The following GDA variants were observed in gnomAD, a reference collection of about 807,000 sequenced individuals.
GDA encodes guanine deaminase, also known as cytoplasmic PSD-95 interactor.
GDA carries 18 observed loss-of-function variants against 59.6 expected under a neutral mutation model. The observed-to-expected ratio is 0.30, with a 90% CI of 0.21 to 0.45. The LOEUF is 0.45. Among genes scored for constraint, GDA ranks in the 20% least tolerant of loss-of-function variants. The probability of loss-of-function intolerance (pLI) is 1.00; values close to 1 mark genes in which losing one functional copy is unlikely to be tolerated. For synonymous variants in GDA, 201 were observed against 201.1 expected (o/e 1.00, Z 0.00); for missense variants, 427 against 552.3 (o/e 0.77, Z 2.27).
At chr9:72,172,997 A>C (rs887919309) in intron 1 of GDA, among the ~76,000 whole-genome samples, 1 of 152,226 alleles carries the variant, frequency 6.6e-6, no homozygotes, top group Admixed American at 6.5e-5. Flanking sequence ...ATTATAACAC[A>C]GTGAGTTAAG....
At chr9:72,164,921 C>T (rs563228042) in intron 1 of GDA, among the ~76,000 whole-genome samples, 14 of 147,264 alleles carry the variant, frequency 9.5e-5, no homozygotes, top group Non-Finnish European at 1.3e-4. Context: ...AACCGGGAGG[C>T]GGAGCTTGCA....
chr9:72,134,759 T>C (rs984598550), intron 1 of GDA, among the ~76,000 whole-genome samples: 22 of 152,144 alleles, frequency 1.4e-4, no homozygotes, highest in African/African-American at 5.3e-4. Context: ...CAAAATTTAT[T>C]GGGAAAGAAG....
intron 1 of GDA, among the ~76,000 whole-genome samples, chr9:72,154,804 G>A (rs1827700825): frequency 6.6e-6 from 1 of 152,178 alleles, no homozygotes; most frequent in Non-Finnish European, 1.5e-5. Flanking sequence ...CTTCTCTAGG[G>A]CACAGTCCTG....
intron 1 of GDA, among the ~76,000 whole-genome samples, chr9:72,139,651 C>T (rs943990546): frequency 2.7e-5 from 4 of 147,466 alleles, no homozygotes; most frequent in Admixed American, 1.3e-4. Context: ...GGGAGACCCT[C>T]GCCTCTAATA....
intron 1 of GDA, among the ~76,000 whole-genome samples, chr9:72,118,273 CAAAAAAAAAAA>C (rs373179585): frequency 3.0e-5 from 2 of 66,158 alleles, no homozygotes; most frequent in African/African-American, 6.8e-5. Context: ...GACTCCACCT[CAAAAAAAAAAA>C]AAAAAAAAAA....
intron 10 of GDA, among the ~76,000 whole-genome samples, chr9:72,233,083 C>G (rs1045015598): frequency 3.3e-5 from 5 of 152,156 alleles, no homozygotes; most frequent in African/African-American, 1.2e-4. Context: ...TAGTCACCCT[C>G]TACTCTACTA....
At chr9:72,203,173 T>G (rs1834228077) in intron 3 of GDA, among the ~76,000 whole-genome samples, 1 of 152,224 alleles carries the variant, frequency 6.6e-6, no homozygotes, top group African/African-American at 2.4e-5. Flanking sequence ...TTTCACAGGA[T>G]TCTCATGATA....
intron 4 of GDA, among the ~76,000 whole-genome samples, chr9:72,213,067 G>A (rs530436192): frequency 1.5e-4 from 23 of 152,070 alleles, no homozygotes; most frequent in East Asian, 7.8e-4. Flanking sequence ...TCAGGAGATC[G>A]AACCATCCTG....
intron 1 of GDA, among the ~76,000 whole-genome samples, chr9:72,173,662 G>T (rs955165710): frequency 6.6e-6 from 1 of 152,118 alleles, no homozygotes; most frequent in Non-Finnish European, 1.5e-5. Context: ...ACTTGTGATT[G>T]TATTTAGGGT....
Position 72,249,520 on chromosome 9 carries a change from C to A in GDA, c.*1178C>A. The stretch of plus-strand genomic sequence containing the variant: ...ATAATGAAGAGTACATAATGTCCTA[C>A]TTAATATTTATGTTAATAGGACTTA... On this transcript the variant is annotated 3_prime_UTR_variant, in exon 14 of 14. Coordinates refer to ENST00000358399, the MANE Select transcript of GDA (RefSeq NM_004293.5). The A allele has an allele frequency of 1.7e-6, 1 of 592,396 alleles. No homozygotes were observed. Among genetic ancestry groups the A allele is most frequent in the Non-Finnish European group, 2.1e-6 (1 of 471,252 alleles). The allele number at this position is 592,396 out of a possible 1,614,324, so 36.7% of individuals were successfully genotyped here. A position where few individuals can be genotyped will look rare whatever the true frequency, so the allele number is the denominator to read the frequency against.
chr9:72,141,338 T>C (rs183381181), intron 1 of GDA, among the ~76,000 whole-genome samples: 77 of 152,306 alleles, frequency 5.1e-4, no homozygotes, highest in African/African-American at 1.7e-3. Flanking sequence ...TTATATATAA[T>C]ATTAAAAATC....
At chr9:72,243,161 T>A (rs1839809480) in intron 11 of GDA, among the ~76,000 whole-genome samples, 1 of 152,204 alleles carries the variant, frequency 6.6e-6, no homozygotes, top group Non-Finnish European at 1.5e-5. Flanking sequence ...GCAGAAATGA[T>A]CTTCACAGAA....
chr9:72,138,379 G>A (rs1204809933), intron 1 of GDA, among the ~76,000 whole-genome samples: 1 of 152,192 alleles, frequency 6.6e-6, no homozygotes, highest in African/African-American at 2.4e-5. Context: ...CCAAGATGAT[G>A]GTGCTCCTGC....
intron 1 of GDA, among the ~76,000 whole-genome samples, chr9:72,137,225 G>T (rs1826261379): frequency 7.3e-6 from 1 of 136,238 alleles, no homozygotes; most frequent in African/African-American, 2.6e-5. Context: ...AAAAAATTAG[G>T]ATCCTTTTCT....
At chr9:72,192,223 CTTTTTTTTTTTTT>C (rs869237933) in intron 1 of GDA, among the ~76,000 whole-genome samples, 8 of 46,278 alleles carry the variant, frequency 1.7e-4, no homozygotes, top group Non-Finnish European at 2.3e-4. Flanking sequence ...TTCAAATAGC[CTTTTTTTTTTTTT>C]TTTTTTTTTT....
downstream of GDA, among the ~76,000 whole-genome samples, chr9:72,258,318 G>GAA (rs199634771): frequency 1.2e-4 from 18 of 149,356 alleles, no homozygotes; most frequent in African/African-American, 1.5e-4. Context: ...GCCTCAAAAA[G>GAA]AAAAAAAAAG....
chr9:72,175,997 A>G (rs908810087), intron 1 of GDA, among the ~76,000 whole-genome samples: 6 of 152,214 alleles, frequency 3.9e-5, no homozygotes, highest in African/African-American at 1.4e-4. Flanking sequence ...GCTTGAAACA[A>G]CAATAAAAAT....
intron 1 of GDA, among the ~76,000 whole-genome samples, chr9:72,166,214 T>C (rs1325170607): frequency 1.3e-5 from 2 of 152,178 alleles, no homozygotes; most frequent in African/African-American, 4.8e-5. Flanking sequence ...ATCCCTGTGA[T>C]CTAGACAGGA....
intron 1 of GDA, among the ~76,000 whole-genome samples, chr9:72,167,221 C>G (rs1009232849): frequency 3.3e-5 from 5 of 152,086 alleles, no homozygotes; most frequent in Non-Finnish European, 7.4e-5. Context: ...AAATGCCAGG[C>G]CTCTCATTCA....
Sources: gnomAD v4.1 joint callset for allele counts (sites outside exome capture counted in the v4.1 genomes callset) on GRCh38, gnomAD v4.1.1 for gene constraint, MANE v1.5 for transcripts, NCBI Gene and HGNC (gene_info 2026-07-23, HGNC 2026-07-21) for gene names.